Variants in FCRL4 observed in about 807,000 individuals in gnomAD.
FCRL4 encodes the protein Fc receptor-like protein 4.
In FCRL4, 43 loss-of-function variants were observed where a neutral mutation model predicts 64.1. That is an observed-to-expected ratio of 0.67 (90% confidence interval 0.53 to 0.87). FCRL4 has a LOEUF of 0.87. FCRL4 is among the 40% of genes least tolerant of loss of function. The pLI is 0.00. For missense variants in FCRL4, 656 were observed against 613.5 expected (o/e 1.07, Z -0.73); for synonymous variants, 253 against 239.8 (o/e 1.05, Z -0.51).
chr1:157,594,344 T>C (rs1214270919), intron 2 of FCRL4, among the ~76,000 whole-genome samples: 1 of 152,224 alleles, frequency 6.6e-6, no homozygotes, highest in African/African-American at 2.4e-5. Flanking sequence ...AGATGCACAC[T>C]GGGTGCTCTT....
At position 157,574,731 on chromosome 1, in the gene FCRL4, T is replaced by C. The variant is rs1485692843; in HGVS notation, c.*793A>G. On this transcript the variant is annotated 3_prime_UTR_variant, in exon 12 of 12. Transcript: ENST00000271532. ...CAGACGTAGGAAATATTTATCTTTT[T>C]TTAAAGGCAGAGTTTATTATGAGTT... 4.7e-6 allele frequency: 1 copy of C among 210,942 alleles called. No individual in the cohort carries two copies. The highest frequency in any genetic ancestry group is 2.3e-5 in the African/African-American group (1 of 44,142). The allele number at this position is 210,942 out of a possible 1,614,324, so 13.1% of individuals were successfully genotyped here.
At chr1:157,594,008 G>T (rs1463242736) in intron 2 of FCRL4, among the ~76,000 whole-genome samples, 1 of 152,192 alleles carries the variant, frequency 6.6e-6, no homozygotes, top group Non-Finnish European at 1.5e-5. Flanking sequence ...TGTTGAAGAT[G>T]CAGTAATTTA....
rs1049134107 is a variant in FCRL4 at position 157,574,710 on chromosome 1, C to T, written c.*814G>A. On this transcript the variant is annotated 3_prime_UTR_variant, in exon 12 of 12. Transcript: ENST00000271532. ...GTTGGTAATTATTTCAGTGAACAGA[C>T]GTAGGAAATATTTATCTTTTTTTAA... 6.2e-5 allele frequency: 13 copies of T among 210,336 alleles called. No homozygotes were observed. The highest frequency in any genetic ancestry group is 1.9e-4 in the South Asian group (1 of 5,304). 13.0% of individuals were successfully genotyped at this position (210,336 alleles called of 1,614,324 possible).
In FCRL4 at chr1:157,578,814, G is replaced by C. The variant is rs773973402; in HGVS notation, c.1316C>G (p.Ser439Cys). The C allele has an allele frequency of 6.2e-7, 1 of 1,613,744 alleles. No homozygotes were observed. Among genetic ancestry groups the C allele is most frequent in the African/African-American group, 1.3e-5 (1 of 74,912 alleles). The change falls in exon 9 of 12, where the codon TCC becomes TGC. Residue 439 changes from serine (S) to cysteine (C), a missense_variant. Physicochemically the swap from Ser to Cys is moderately radical, Grantham distance 112. Coordinates refer to ENST00000271532, the MANE Select transcript of FCRL4 (RefSeq NM_031282.3). ...AAGCTCCACCTGGGCAGGGCAGATG[G>C]AATGGGAGGACTCTCCTGGGCCTGG... ...PAPGPGESSH[S>C]ICPAQVELQS...
At chr1:157,590,106 A>G (rs1203179716) in intron 2 of FCRL4, among the ~76,000 whole-genome samples, 1 of 152,192 alleles carries the variant, frequency 6.6e-6, no homozygotes, top group African/African-American at 2.4e-5. Context: ...AAATATGCAT[A>G]AAAACCCTTG....
chr1:157,588,122 G>A lies in FCRL4; in HGVS notation c.308-3C>T. 3.8e-6 allele frequency: 6 copies of A among 1,599,674 alleles called. No homozygotes were observed. Among genetic ancestry groups the A allele is most frequent in the Non-Finnish European group, 5.1e-6 (6 of 1,173,236 alleles). ...TGGTGCCTGCAGGATTAAGGAGTCT[G>A]GAAAAGACACAGAGAGGAGATCGTC... On this transcript the variant is annotated splice_region_variant and splice_polypyrimidine_tract_variant and intron_variant, in intron 3 of 11. Coordinates refer to ENST00000271532, the MANE Select transcript of FCRL4 (RefSeq NM_031282.3).
chr1:157,585,345 TC>T (rs1465242207), intron 6 of FCRL4, among the ~76,000 whole-genome samples: 2 of 13,618 alleles, frequency 1.5e-4, no homozygotes, highest in East Asian at 1.8e-3. Context: ...TTTCTCTCTC[TC>T]TTTCTTTCTT....
chr1:157,574,210 T>A lies in FCRL4; in HGVS notation c.*1314A>T, dbSNP rs1652350084. 1 of 220,512 alleles carries A rather than the reference T, an allele frequency of 4.5e-6. No homozygotes were observed. The highest frequency in any genetic ancestry group is 6.6e-5 in the East Asian group (1 of 15,070). The allele number at this position is 220,512 out of a possible 1,614,324, so 13.7% of individuals were successfully genotyped here. ...TCCTCCCTCTCTTCTTTTTATTTCA[T>A]TTTTTTCCCATTTATTTGTTATAGA... On this transcript the variant is annotated 3_prime_UTR_variant, in exon 12 of 12. Coordinates refer to ENST00000271532, the MANE Select transcript of FCRL4 (RefSeq NM_031282.3).
intron 4 of FCRL4, 138 bp from the exon 5 acceptor site, chr1:157,587,698 TC>T: frequency 8.7e-7 from 1 of 1,151,538 alleles, no homozygotes. Flanking sequence ...ACAGTTTTCT[TC>T]TACAGGATTA....
chr1:157,595,905 G>A, intron 2 of FCRL4, among the ~76,000 whole-genome samples: 1 of 152,208 alleles, frequency 6.6e-6, no homozygotes, highest in East Asian at 1.9e-4. Flanking sequence ...TCCATGGGAT[G>A]CAGAAGTTGG....
In FCRL4 at chr1:157,575,491, A is replaced by G. The variant is rs763301146; in HGVS notation, c.*33T>C. The G allele has an allele frequency of 2.6e-6, 4 of 1,540,488 alleles. No homozygotes were observed. The Admixed American group carries it at 5.1e-5, about 20-fold the overall frequency. On this transcript the variant is annotated 3_prime_UTR_variant, in exon 12 of 12. Transcript: ENST00000271532. ...GGACTTTGGACAAGGGAGAAATCAC[A>G]TGAGTAGGACGTTCTCGTAACTTTT...
In FCRL4 at chr1:157,574,257, G is replaced by A. The variant is rs1442884537; in HGVS notation, c.*1267C>T. The A allele has an allele frequency of 4.6e-6, 1 of 217,774 alleles. No homozygotes were observed. Among genetic ancestry groups the A allele is most frequent in the Non-Finnish European group, 9.2e-6 (1 of 108,886 alleles). The allele number at this position is 217,774 out of a possible 1,614,324, so 13.5% of individuals were successfully genotyped here. Reference sequence around the variant, plus strand: ...TAGAAGCCAGGTGATTTGCCCTATAGAACTTTTTCTCAGTTTATGTTTTGC... The same window carrying A: ...TAGAAGCCAGGTGATTTGCCCTATAAAACTTTTTCTCAGTTTATGTTTTGC... On this transcript the variant is annotated 3_prime_UTR_variant, in exon 12 of 12. Transcript: ENST00000271532.
At chr1:157,578,913 T>C in intron 8 of FCRL4, 61 bp from the exon 9 acceptor site, 4 of 1,354,520 alleles carry the variant, frequency 3.0e-6, no homozygotes, top group Non-Finnish European at 4.1e-6. Flanking sequence ...GAGAGTGAGA[T>C]ACCCAGGGAG....
In FCRL4 at chr1:157,578,868, A is replaced by C. The variant is rs751726093; in HGVS notation, c.1278-16T>G. 1.3e-6 allele frequency: 2 copies of C among 1,598,722 alleles called. No homozygotes were observed. On this transcript the variant is annotated splice_polypyrimidine_tract_variant and intron_variant, in intron 8 of 11. Coordinates refer to ENST00000271532, the MANE Select transcript of FCRL4 (RefSeq NM_031282.3). Reference sequence around the variant, plus strand: ...GGGAGGGAGCCTGTGAGACACAGAAACACATAATAATCCCTGGAACACTGT... The same window carrying C: ...GGGAGGGAGCCTGTGAGACACAGAACCACATAATAATCCCTGGAACACTGT...
At chr1:157,590,725 G>C (rs1652819872) in intron 2 of FCRL4, among the ~76,000 whole-genome samples, 1 of 151,972 alleles carries the variant, frequency 6.6e-6, no homozygotes, top group Admixed American at 6.6e-5. Context: ...CATCTTCTTA[G>C]CCAGGATGGT....
intron 2 of FCRL4, among the ~76,000 whole-genome samples, chr1:157,593,808 T>G (rs72706372): frequency 6.6e-6 from 1 of 152,212 alleles, no homozygotes; most frequent in Non-Finnish European, 1.5e-5. Context: ...ATTTTCTGAG[T>G]TTTGTAGTTC....
At chr1:157,576,010 T>G (rs1291896308) in intron 10 of FCRL4, among the ~76,000 whole-genome samples, 1 of 152,210 alleles carries the variant, frequency 6.6e-6, no homozygotes, top group Non-Finnish European at 1.5e-5. Context: ...TATTGAGAGA[T>G]AATTTTTTTC....
At chr1:157,589,853 G>A (rs1216429097) in intron 2 of FCRL4, among the ~76,000 whole-genome samples, 2 of 152,192 alleles carry the variant, frequency 1.3e-5, no homozygotes, top group Non-Finnish European at 2.9e-5. Flanking sequence ...TGTATGTGAA[G>A]GGTACCAGAA....
chr1:157,596,631 G>C (rs1032903292), intron 1 of FCRL4, among the ~76,000 whole-genome samples: 1 of 152,182 alleles, frequency 6.6e-6, no homozygotes, highest in East Asian at 1.9e-4. Context: ...CGACCTCATA[G>C]TAATACTGTA....
Sources: allele counts gnomAD v4.1 joint callset (sites outside exome capture counted in the v4.1 genomes callset), GRCh38; gene constraint gnomAD v4.1.1; transcripts MANE v1.5; gene names NCBI Gene and HGNC (gene_info 2026-07-23, HGNC 2026-07-21).